The following GFOD1 variants were observed in gnomAD, a reference collection of about 807,000 sequenced individuals.
GFOD1 encodes the protein Gfo/Idh/MocA-like oxidoreductase domain containing 1, also known as glucose-fructose oxidoreductase domain-containing protein 1.
In GFOD1, 9 loss-of-function variants were observed where a neutral mutation model predicts 25.4. The observed-to-expected ratio is 0.35, with a 90% CI of 0.21 to 0.62. The LOEUF is 0.62. GFOD1 is among the 20% of genes least tolerant of loss of function. The pLI is 0.72. For synonymous variants in GFOD1, 253 were observed against 245.6 expected, an observed-to-expected ratio of 1.03 and a Z score of -0.28; for missense variants, 403 against 556.9, an observed-to-expected ratio of 0.72 and a Z score of 2.78.
intron 1 of GFOD1, among the ~76,000 whole-genome samples, chr6:13,387,480 C>T (rs1343656310): frequency 1.3e-5 from 2 of 152,192 alleles, no homozygotes; most frequent in Admixed American, 6.5e-5. Flanking sequence ...AATCAATAAA[C>T]GTAATCCATC....
intron 1 of GFOD1, chr6:13,469,903 T>C (rs1299511149): frequency 7.0e-6 from 9 of 1,291,490 alleles, no homozygotes; most frequent in Admixed American, 2.3e-5. Flanking sequence ...ACATGGTAAG[T>C]ACTCCATAGA....
intron 1 of GFOD1, among the ~76,000 whole-genome samples, chr6:13,449,623 C>T (rs759300745): frequency 5.9e-5 from 9 of 152,236 alleles, no homozygotes; most frequent in South Asian, 2.1e-4. Context: ...ACTGAATCAT[C>T]GGGGCGGTTT....
intron 1 of GFOD1, among the ~76,000 whole-genome samples, chr6:13,447,327 C>T (rs554724401): frequency 5.9e-5 from 9 of 152,298 alleles, no homozygotes; most frequent in Admixed American, 5.9e-4. Context: ...GGTGCTGGTG[C>T]TCTCTCTGTG....
intron 1 of GFOD1, among the ~76,000 whole-genome samples, chr6:13,425,720 C>T (rs1052951873): frequency 2.0e-5 from 3 of 152,034 alleles, no homozygotes; most frequent in African/African-American, 4.8e-5. Context: ...AGTCTCCATC[C>T]GGCTCTGACA....
At chr6:13,393,289 G>A (rs1354377302) in intron 1 of GFOD1, among the ~76,000 whole-genome samples, 1 of 146,646 alleles carries the variant, frequency 6.8e-6, no homozygotes, top group Non-Finnish European at 1.5e-5. Context: ...CCGAGAGGCA[G>A]AGGTTGCAGT....
chr6:13,419,371 C>G (rs530882273), intron 1 of GFOD1, among the ~76,000 whole-genome samples: 1 of 152,298 alleles, frequency 6.6e-6, no homozygotes, highest in Admixed American at 6.5e-5. Context: ...TGAGTGAAAG[C>G]AAATGACATT....
At chr6:13,472,899 A>C (rs1398971510) in intron 1 of GFOD1, among the ~76,000 whole-genome samples, 1 of 152,226 alleles carries the variant, frequency 6.6e-6, no homozygotes, top group Non-Finnish European at 1.5e-5. Flanking sequence ...TCAAGAGTTA[A>C]CTATTCATTC....
At chr6:13,374,660 G>C (rs1038185080) in intron 1 of GFOD1, among the ~76,000 whole-genome samples, 1 of 148,286 alleles carries the variant, frequency 6.7e-6, no homozygotes, top group East Asian at 2.1e-4. Flanking sequence ...CTGGGGTATA[G>C]TGATGTTTCA....
chr6:13,486,587 A>G, intron 1 of GFOD1, 51 bp downstream of exon 1: 2 of 1,443,538 alleles, frequency 1.4e-6, no homozygotes, highest in Non-Finnish European at 1.9e-6. Context: ...GAACCTAGAG[A>G]AGGTTAAAGG....
At position 13,467,359 on chromosome 6, in the gene GFOD1, G is replaced by GT. The variant is rs927592345; in HGVS notation, c.253+19278_253+19279insA. On this transcript the variant is annotated intron_variant, in intron 1 of 1. Transcript: ENST00000379287. ...TAGCAGGGTGAAGTCACTTGCCCAAGGTCACACCGCTAATTAGTATGGTGT... is the reference window on the plus strand; with the variant it reads ...TAGCAGGGTGAAGTCACTTGCCCAAGTGTCACACCGCTAATTAGTATGGTGT... 2.8e-4 allele frequency among the ~76,000 whole-genome samples: 43 copies of GT among 152,246 alleles called. 1 individual carries two copies. Among genetic ancestry groups the GT allele is most frequent in the East Asian group, 2.1e-3 (11 of 5,180 alleles).
At chr6:13,452,191 C>T (rs913610033) in intron 1 of GFOD1, among the ~76,000 whole-genome samples, 7 of 152,068 alleles carry the variant, frequency 4.6e-5, no homozygotes, top group African/African-American at 1.7e-4. Context: ...ATGCCTGACC[C>T]GAGACTGGAT....
intron 1 of GFOD1, among the ~76,000 whole-genome samples, chr6:13,433,066 C>A (rs1757778227): frequency 6.6e-6 from 1 of 151,982 alleles, no homozygotes; most frequent in Non-Finnish European, 1.5e-5. Context: ...CCACAGTCTG[C>A]CTAATTTAGG....
intron 1 of GFOD1, among the ~76,000 whole-genome samples, chr6:13,377,022 T>G (rs1228370200): frequency 1.3e-5 from 2 of 152,044 alleles, no homozygotes; most frequent in Admixed American, 6.5e-5. Context: ...AGATATGTTT[T>G]TTTTTTTTTT....
intron 1 of GFOD1, among the ~76,000 whole-genome samples, chr6:13,387,533 T>C (rs1421962042): frequency 6.6e-6 from 1 of 152,294 alleles, no homozygotes; most frequent in East Asian, 1.9e-4. Flanking sequence ...ATTATCTCAA[T>C]AGATGCAGAA....
intron 1 of GFOD1, among the ~76,000 whole-genome samples, chr6:13,404,613 C>G (rs1297476781): frequency 6.6e-6 from 1 of 152,128 alleles, no homozygotes; most frequent in Admixed American, 6.5e-5. Flanking sequence ...CCAGCATCTC[C>G]CAGAACAGGA....
At chr6:13,370,668 A>G (rs1785133046) in intron 1 of GFOD1, among the ~76,000 whole-genome samples, 1 of 151,810 alleles carries the variant, frequency 6.6e-6, no homozygotes, top group African/African-American at 2.4e-5. Context: ...AATTCTAAGT[A>G]TAGACTTCTA....
At chr6:13,452,595 G>A (rs561948740) in intron 1 of GFOD1, among the ~76,000 whole-genome samples, 27 of 152,266 alleles carry the variant, frequency 1.8e-4, no homozygotes, top group African/African-American at 6.5e-4. Flanking sequence ...AATTTTGCAA[G>A]GATACAAACT....
intron 1 of GFOD1, among the ~76,000 whole-genome samples, chr6:13,454,438 T>C (rs931899284): frequency 1.3e-5 from 2 of 152,174 alleles, no homozygotes; most frequent in African/African-American, 4.8e-5. Context: ...ACATAATAAT[T>C]GCACCTTTGT....
intron 1 of GFOD1, among the ~76,000 whole-genome samples, chr6:13,465,523 A>G (rs1241276227): frequency 6.6e-6 from 1 of 152,226 alleles, no homozygotes; most frequent in Non-Finnish European, 1.5e-5. Flanking sequence ...TTTAAGCAGC[A>G]CTGCTGTAAA....
Sources: allele counts gnomAD v4.1 joint callset (sites outside exome capture counted in the v4.1 genomes callset), GRCh38; gene constraint gnomAD v4.1.1; transcripts MANE v1.5; gene names NCBI Gene and HGNC (gene_info 2026-07-23, HGNC 2026-07-21).